Variants in KMT2C observed in about 807,000 individuals in gnomAD.
KMT2C encodes the protein histone-lysine N-methyltransferase 2C.
Under a neutral mutation model 507.9 loss-of-function variants are expected in KMT2C, and 88 were observed. That is an observed-to-expected ratio of 0.17 (90% confidence interval 0.15 to 0.21). The LOEUF (loss-of-function observed/expected upper bound fraction) is 0.21, where lower values mean the gene tolerates loss of function less well. KMT2C is among the 10% of genes least tolerant of loss of function. The pLI, the probability that KMT2C is intolerant of heterozygous loss-of-function variation, is 1.00. For missense variants in KMT2C, 4,954 were observed against 5,957.8 expected (o/e 0.83, Z 5.55); for synonymous variants, 2,049 against 2,080.8 (o/e 0.98, Z 0.42).
chr7:152,205,246 G>A (rs2129137370), intron 24 of KMT2C, 21 bp from the exon 25 acceptor site: 1 of 1,606,022 alleles, frequency 6.2e-7, no homozygotes, highest in South Asian at 1.1e-5. Flanking sequence ...AAGAAATTAG[G>A]TAAACTGATA....
chr7:152,336,583 C>T (rs1589272857), intron 2 of KMT2C, among the ~76,000 whole-genome samples: 2 of 152,112 alleles, frequency 1.3e-5, no homozygotes, highest in African/African-American at 4.8e-5. Context: ...GAATACTATC[C>T]TATGCTTTGC....
intron 23 of KMT2C, among the ~76,000 whole-genome samples, chr7:152,213,174 C>T (rs1007188162): frequency 5.9e-5 from 9 of 152,182 alleles, no homozygotes; most frequent in African/African-American, 2.2e-4. Context: ...CAATCCCTAT[C>T]AAATTTCCAA....
intron 1 of KMT2C, among the ~76,000 whole-genome samples, chr7:152,387,373 A>AC (rs2097438511): frequency 6.6e-6 from 1 of 151,782 alleles, no homozygotes; most frequent in East Asian, 1.9e-4. Context: ...ACTGAACTGC[A>AC]CCTACATTAA....
chr7:152,423,635 C>T (rs2097792507), intron 1 of KMT2C, among the ~76,000 whole-genome samples: 1 of 152,086 alleles, frequency 6.6e-6, no homozygotes, highest in South Asian at 2.1e-4. Flanking sequence ...AGGGACAATA[C>T]CAGCCTCAGT....
rs140215243 is a variant in KMT2C at position 152,180,040 on chromosome 7, G to C, written c.7236C>G (p.Pro2412=). ...GAAGAGGCCCTGGATGAGGCACTGCGGGTGAGTCCTGTGACCCCTTCTCCT... is the reference window on the plus strand; with the variant it reads ...GAAGAGGCCCTGGATGAGGCACTGCCGGTGAGTCCTGTGACCCCTTCTCCT... ...GRQEKGSQDS[P]AVPHPGPLQH... Residue 2412 remains proline, a synonymous_variant, in exon 37 of 59, where the codon CCC becomes CCG. Transcript: ENST00000262189. 6.2e-7 allele frequency: 1 copy of C among 1,614,106 alleles called. No homozygotes were observed. Among genetic ancestry groups the C allele is most frequent in the South Asian group, 1.1e-5 (1 of 91,082 alleles).
At chr7:152,232,943 G>GAGCA (rs1321029858) in intron 16 of KMT2C, among the ~76,000 whole-genome samples, 2 of 152,078 alleles carry the variant, frequency 1.3e-5, no homozygotes, top group African/African-American at 4.8e-5. Flanking sequence ...TATACCCACT[G>GAGCA]AGCAGCTCAA....
chr7:152,368,319 TAAC>T (rs2097263831), intron 1 of KMT2C: 6 of 1,195,788 alleles, frequency 5.0e-6, no homozygotes, highest in South Asian at 3.8e-5. Flanking sequence ...ATGGAGTTGA[TAAC>T]AACAAGAATA....
rs1422924062 is a variant in KMT2C at position 152,322,926 on chromosome 7, A to C, written c.390-7588T>G. Reference sequence around the variant, plus strand: ...GGTACATGAGAAAATGTTCAGCATCACTACTCATTAGGGAAATGAAAATTA... The same window carrying C: ...GGTACATGAGAAAATGTTCAGCATCCCTACTCATTAGGGAAATGAAAATTA... On this transcript the variant is annotated intron_variant, in intron 3 of 58. Transcript: ENST00000262189. Among the ~76,000 whole-genome samples the C allele has an allele frequency of 1.3e-5, 2 of 152,074 alleles. 1 individual carries two copies. The highest frequency in any genetic ancestry group is 6.3e-3 in the Middle Eastern group (2 of 316).
intron 6 of KMT2C, among the ~76,000 whole-genome samples, chr7:152,301,712 T>C (rs543181613): frequency 6.8e-4 from 103 of 152,086 alleles, no homozygotes; most frequent in Non-Finnish European, 1.3e-3. Flanking sequence ...CAAACAACTA[T>C]AGGGGAAAAT....
chr7:152,366,237 C>G (rs1201846143), intron 1 of KMT2C, among the ~76,000 whole-genome samples: 1 of 152,182 alleles, frequency 6.6e-6, no homozygotes, highest in Non-Finnish European at 1.5e-5. Context: ...AATTCCACCT[C>G]TGGGTATACA....
At chr7:152,433,726 A>C (rs1457222862) in intron 1 of KMT2C, among the ~76,000 whole-genome samples, 1 of 152,188 alleles carries the variant, frequency 6.6e-6, no homozygotes, top group Non-Finnish European at 1.5e-5. Context: ...AAGGCTGCCT[A>C]TTTCTTCATG....
chr7:152,208,866 TGAAAAGAA>T (rs2094379146), intron 23 of KMT2C, among the ~76,000 whole-genome samples: 1 of 152,148 alleles, frequency 6.6e-6, no homozygotes, highest in Non-Finnish European at 1.5e-5. Context: ...GACTAAGCCA[TGAAAAGAA>T]AAGTTTATAG....
intron 6 of KMT2C, among the ~76,000 whole-genome samples, chr7:152,286,532 G>A (rs2096300096): frequency 6.7e-6 from 1 of 148,654 alleles, no homozygotes; most frequent in Non-Finnish European, 1.5e-5. Flanking sequence ...TTAAATGCTT[G>A]AAGAAGAAAA....
intron 26 of KMT2C, among the ~76,000 whole-genome samples, chr7:152,199,834 T>G (rs1004796143): frequency 2.6e-5 from 4 of 152,170 alleles, no homozygotes; most frequent in African/African-American, 7.2e-5. Context: ...TCAGGTAGAT[T>G]TGTAATCTAT....
chr7:152,218,761 C>T (rs762800173), intron 23 of KMT2C, among the ~76,000 whole-genome samples: 1 of 152,024 alleles, frequency 6.6e-6, no homozygotes, highest in African/African-American at 2.4e-5. Context: ...TCTGACTGTC[C>T]CCTCTGCTCA....
Position 152,203,078 on chromosome 7 carries a change from C to A in KMT2C, c.3962-14G>T. The A allele has an allele frequency of 1.3e-6, 2 of 1,580,506 alleles. No homozygotes were observed. The highest frequency in any genetic ancestry group is 2.4e-5 in the South Asian group (2 of 83,930). ...GCTCACTCCAGCCTGAAACAACAGT[C>A]ACATTTATAAATATGTGACATTTAA... On this transcript the variant is annotated splice_polypyrimidine_tract_variant and intron_variant, in intron 25 of 58. Transcript: ENST00000262189.
intron 8 of KMT2C, among the ~76,000 whole-genome samples, chr7:152,263,931 G>C (rs1462493257): frequency 6.6e-6 from 1 of 152,136 alleles, no homozygotes; most frequent in Non-Finnish European, 1.5e-5. Context: ...AGCTGAGAGA[G>C]GAATCTCTGA....
At chr7:152,371,515 T>C (rs1474694550) in intron 1 of KMT2C, among the ~76,000 whole-genome samples, 3 of 152,104 alleles carry the variant, frequency 2.0e-5, no homozygotes, top group Non-Finnish European at 2.9e-5. Flanking sequence ...AAAATGGCGA[T>C]AGCATCTCCT....
intron 1 of KMT2C, among the ~76,000 whole-genome samples, chr7:152,411,704 ACTT>A (rs2097686481): frequency 6.6e-6 from 1 of 152,234 alleles, no homozygotes; most frequent in Non-Finnish European, 1.5e-5. Flanking sequence ...ACTTACAAGA[ACTT>A]CCCCTGTCTA....
Sources: gnomAD v4.1 joint callset for allele counts (sites outside exome capture counted in the v4.1 genomes callset) on GRCh38, gnomAD v4.1.1 for gene constraint, MANE v1.5 for transcripts, NCBI Gene and HGNC (gene_info 2026-07-23, HGNC 2026-07-21) for gene names.